PRKG1: variants seen among roughly 807,000 people sequenced by gnomAD.
PRKG1 encodes the protein protein kinase cGMP-dependent 1.
A neutral mutation model predicts 88.1 loss-of-function variants in PRKG1; 35 were observed. That is an observed-to-expected ratio of 0.40 (90% CI 0.30 to 0.53). PRKG1 has a LOEUF of 0.53. Among genes scored for constraint, PRKG1 ranks in the 20% least tolerant of loss-of-function variants. The probability of loss-of-function intolerance (pLI) is 0.59; values close to 1 mark genes in which losing one functional copy is unlikely to be tolerated. For synonymous variants in PRKG1, 303 were observed against 292.5 expected (o/e 1.04, Z -0.37); for missense variants, 540 against 839.8 (o/e 0.64, Z 4.41).
intron 3 of PRKG1, among the ~76,000 whole-genome samples, chr10:51,658,022 A>G (rs561280499): frequency 2.2e-4 from 33 of 152,324 alleles, no homozygotes; most frequent in African/African-American, 7.0e-4. Flanking sequence ...TTGCAAACAC[A>G]TTGATAGAAT....
At chr10:51,351,414 G>C (rs896962100) in intron 2 of PRKG1, among the ~76,000 whole-genome samples, 17 of 152,064 alleles carry the variant, frequency 1.1e-4, no homozygotes, top group African/African-American at 3.6e-4. Context: ...ATCCTCTCCA[G>C]CATCTGTTGT....
intron 1 of PRKG1, among the ~76,000 whole-genome samples, chr10:51,021,973 G>A (rs929152975): frequency 5.9e-5 from 9 of 152,148 alleles, no homozygotes; most frequent in Non-Finnish European, 1.2e-4. Flanking sequence ...GAGCCACTGC[G>A]CCTGACCAAG....
At chr10:51,089,075 G>T (rs1405387961) in intron 1 of PRKG1, among the ~76,000 whole-genome samples, 1 of 152,064 alleles carries the variant, frequency 6.6e-6, no homozygotes, top group African/African-American at 2.4e-5. Context: ...TTATTGGCCT[G>T]CCCTCTGAAG....
At chr10:51,863,161 G>A (rs1052336099) in intron 4 of PRKG1, among the ~76,000 whole-genome samples, 1 of 151,472 alleles carries the variant, frequency 6.6e-6, no homozygotes, top group African/African-American at 2.4e-5. Context: ...TCCAGATCAT[G>A]ACCCTGATAT....
At position 52,297,590 on chromosome 10, in the gene PRKG1, G is replaced by A. The variant is rs193008761; in HGVS notation, c.*3690G>A. The A allele has an allele frequency of 2.9e-4, 44 of 152,200 alleles. No homozygotes were observed. The East Asian group carries it at 3.3e-3, about 11-fold the overall frequency. The allele number at this position is 152,200 out of a possible 1,614,324, so 9.4% of individuals were successfully genotyped here. A position where few individuals can be genotyped will look rare whatever the true frequency, so the allele number is the denominator to read the frequency against. On this transcript the variant is annotated 3_prime_UTR_variant, in exon 18 of 18. Transcript: ENST00000373980. ...TGTGTATCTGTTAATGAGATACAGCGTCATTTCTGTGAAATGTATAAATGT... is the reference window on the plus strand; with the variant it reads ...TGTGTATCTGTTAATGAGATACAGCATCATTTCTGTGAAATGTATAAATGT...
chr10:51,214,801 A>G (rs9415787), intron 2 of PRKG1, among the ~76,000 whole-genome samples: 2,274 of 152,238 alleles, frequency 0.015, 44 homozygotes, highest in African/African-American at 0.052. Context: ...TCAAATATCA[A>G]TGAACTAACA....
At chr10:51,290,353 A>T (rs191687978) in intron 2 of PRKG1, among the ~76,000 whole-genome samples, 356 of 152,362 alleles carry the variant, frequency 2.3e-3, no homozygotes, top group African/African-American at 7.8e-3. Context: ...TTTTGTGCTC[A>T]GATAACCAAG....
chr10:51,607,368 T>C (rs916042945), intron 3 of PRKG1, among the ~76,000 whole-genome samples: 2 of 152,194 alleles, frequency 1.3e-5, no homozygotes, highest in Non-Finnish European at 2.9e-5. Flanking sequence ...AGAGGTAAAA[T>C]TGAATATATG....
chr10:51,673,166 A>T (rs955111967), intron 3 of PRKG1, among the ~76,000 whole-genome samples: 5 of 152,210 alleles, frequency 3.3e-5, no homozygotes, highest in Admixed American at 3.3e-4. Flanking sequence ...GGCACTAAAA[A>T]ACAGAGCAGA....
intron 7 of PRKG1, among the ~76,000 whole-genome samples, chr10:52,102,767 C>G (rs182562094): frequency 6.6e-6 from 1 of 151,720 alleles, no homozygotes; most frequent in East Asian, 1.9e-4. Flanking sequence ...TGCCAGAAAA[C>G]AAATTGACAT....
chr10:51,401,213 C>A lies in PRKG1; in HGVS notation c.479-66510C>A, dbSNP rs12246222. Among the ~76,000 whole-genome samples the A allele has an allele frequency of 2.7e-3, 414 of 152,282 alleles. 2 individuals carry two copies. The highest frequency in any genetic ancestry group is 9.4e-3 in the African/African-American group (391 of 41,560). On this transcript the variant is annotated intron_variant, in intron 2 of 17. Transcript: ENST00000373980. ...AATTATTAGTGAGTTATTCTACATT[C>A]TTTTTAAGCTAGGTTTTTAAAATCT... is the stretch of plus-strand genomic sequence containing the variant.
chr10:51,742,694 T>A (rs1180423122), intron 3 of PRKG1, among the ~76,000 whole-genome samples: 1 of 152,132 alleles, frequency 6.6e-6, no homozygotes, highest in Admixed American at 6.6e-5. Flanking sequence ...GTGGGGAAAC[T>A]AATTCCAGGT....
At chr10:51,772,646 A>G (rs1838334660) in intron 3 of PRKG1, among the ~76,000 whole-genome samples, 1 of 151,984 alleles carries the variant, frequency 6.6e-6, no homozygotes, top group African/African-American at 2.4e-5. Context: ...TGGTTTGCAG[A>G]GAATCTGTAT....
At chr10:51,585,579 A>G (rs780167198) in intron 3 of PRKG1, among the ~76,000 whole-genome samples, 2 of 152,050 alleles carry the variant, frequency 1.3e-5, no homozygotes, top group Non-Finnish European at 2.9e-5. Context: ...AATGAACTTA[A>G]AAGAGAACTA....
rs1020069303 is a variant in PRKG1 at position 52,108,801 on chromosome 10, A to G, written c.936-25039A>G. Among the ~76,000 whole-genome samples the G allele has an allele frequency of 6.0e-5, 9 of 149,786 alleles. No individual in the cohort carries two copies. The East Asian group carries it at 1.8e-3, about 30-fold the overall frequency. The stretch of plus-strand genomic sequence containing the variant: ...TAAAGGTGTCAAAAGTAGAATTTTT[A>G]TTAACCTGGGAGAACAAGTATTCCT... On this transcript the variant is annotated intron_variant, in intron 7 of 17. Coordinates refer to ENST00000373980, the MANE Select transcript of PRKG1 (RefSeq NM_006258.4).
chr10:51,763,820 T>A (rs538876803), intron 3 of PRKG1, among the ~76,000 whole-genome samples: 1 of 145,848 alleles, frequency 6.9e-6, no homozygotes, highest in South Asian at 2.1e-4. Context: ...GTGAGGGCCT[T>A]CTTAGTGGTG....
intron 2 of PRKG1, among the ~76,000 whole-genome samples, chr10:51,254,362 A>G (rs973297480): frequency 3.3e-5 from 5 of 151,886 alleles, no homozygotes; most frequent in African/African-American, 7.3e-5. Context: ...AGATTATTAG[A>G]TTTTTTGCAT....
intron 5 of PRKG1, among the ~76,000 whole-genome samples, chr10:51,980,332 T>C (rs918582349): frequency 2.0e-5 from 3 of 152,218 alleles, no homozygotes; most frequent in Non-Finnish European, 2.9e-5. Context: ...TATTGTGCTG[T>C]TGTCTGAAAG....
At chr10:51,598,538 G>A (rs533294592) in intron 3 of PRKG1, among the ~76,000 whole-genome samples, 25 of 152,294 alleles carry the variant, frequency 1.6e-4, no homozygotes, top group Middle Eastern at 6.8e-3. Flanking sequence ...AATTATAGGC[G>A]TCAGCCACCG....
Sources: allele counts gnomAD v4.1 joint callset (sites outside exome capture counted in the v4.1 genomes callset), GRCh38; gene constraint gnomAD v4.1.1; transcripts MANE v1.5; gene names NCBI Gene and HGNC (gene_info 2026-07-23, HGNC 2026-07-21).